The following ABCB5 variants were observed in gnomAD, a reference collection of about 807,000 sequenced individuals.
The protein encoded by ABCB5 is ATP binding cassette subfamily B member 5.
A neutral mutation model predicts 144.2 loss-of-function variants in ABCB5; 155 were observed. The ratio of observed to expected loss-of-function variants is 1.08; its 90% CI spans 0.94 to 1.23. ABCB5 has a LOEUF of 1.23. Among genes scored for constraint, ABCB5 ranks in the 50% most tolerant of loss-of-function variants. The pLI is 0.00. For missense variants in ABCB5, 1,830 were observed against 1,520.8 expected, an observed-to-expected ratio of 1.20 and a Z score of -3.38; for synonymous variants, 610 against 528.6, an observed-to-expected ratio of 1.15 and a Z score of -2.11.
chr7:20,747,633 T>C (rs532715948), intron 26 of ABCB5, among the ~76,000 whole-genome samples: 2 of 152,352 alleles, frequency 1.3e-5, no homozygotes, highest in Admixed American at 6.5e-5. Flanking sequence ...CTCAAAACTA[T>C]ATGCTGCAAA....
intron 7 of ABCB5, among the ~76,000 whole-genome samples, chr7:20,645,335 G>A (rs1249282416): frequency 6.6e-6 from 1 of 152,138 alleles, no homozygotes; most frequent in Non-Finnish European, 1.5e-5. Context: ...AGTTATCCAA[G>A]CATGTCTTAT....
At chr7:20,723,492 C>T (rs10950830) in intron 21 of ABCB5, among the ~76,000 whole-genome samples, 44,167 of 152,034 alleles carry the variant, frequency 0.29, 7,409 homozygotes, top group African/African-American at 0.47. Context: ...TGCTAACAAA[C>T]GTGTGATATG....
chr7:20,700,216 A>C (rs13229035), intron 19 of ABCB5, 81 bp downstream of exon 19: 237,578 of 1,202,052 alleles, frequency 0.2, 25,423 homozygotes, highest in Non-Finnish European at 0.22. Context: ...TCTCAAGTCA[A>C]TTTTTGACAT....
intron 14 of ABCB5, chr7:20,659,864 A>G: frequency 1.1e-6 from 1 of 903,392 alleles, no homozygotes. Context: ...TTGTATTTTT[A>G]GTAGAGACAA....
rs1562573699 is a variant in ABCB5, at chr7:20,711,820, CTTTCTTTCTTTCTTTCTTTCTTTCT to C, written c.2421+7030_2421+7054del. 4.2e-4 allele frequency among the ~76,000 whole-genome samples: 22 copies of C among 52,414 alleles called. 4 individuals are homozygous for C. The highest frequency in any genetic ancestry group is 3.2e-3 in the African/African-American group (19 of 6,004). The allele number at this position is 52,414 out of a possible 152,430, so 34.4% of individuals were successfully genotyped here. A position where few individuals can be genotyped will look rare whatever the true frequency, so the allele number is the denominator to read the frequency against. Reference sequence around the variant, plus strand: ...TCTTTCTTTCTTTCTTTCTTTCTTTCTTTCTTTCTTTCTTTCTTTCTTTCTTTTCTTTCTTTCTTTCCTTCCTCCC... The same window carrying C: ...TCTTTCTTTCTTTCTTTCTTTCTTTCTTTCTTTCTTTCTTTCCTTCCTCCC... On this transcript the variant is annotated intron_variant, in intron 20 of 27. Coordinates refer to ENST00000404938, the MANE Select transcript of ABCB5 (RefSeq NM_001163941.2).
chr7:20,679,802 T>C (rs993305746), intron 14 of ABCB5, among the ~76,000 whole-genome samples: 2 of 152,160 alleles, frequency 1.3e-5, no homozygotes, highest in Non-Finnish European at 2.9e-5. Flanking sequence ...ATGGCTCTCT[T>C]GCACTATTGG....
At chr7:20,638,764 A>AT (rs1784219229) in intron 5 of ABCB5, among the ~76,000 whole-genome samples, 1 of 152,100 alleles carries the variant, frequency 6.6e-6, no homozygotes, top group African/African-American at 2.4e-5. Context: ...TCACCAGCTG[A>AT]TGGACAGTTG....
Position 20,616,128 on chromosome 7 carries a change from A to C in ABCB5, c.-22+291A>C, listed in dbSNP as rs191604392. 3.0e-3 allele frequency among the ~76,000 whole-genome samples: 458 copies of C among 152,284 alleles called. 10 individuals carry two copies. The highest frequency in any genetic ancestry group is 0.028 in the Admixed American group (422 of 15,296). On this transcript the variant is annotated intron_variant, in intron 1 of 27. Transcript: ENST00000404938. ...TTGGCTCACTGCAACCTCCGCCTCC[A>C]GGGTTCAAGAGATTTTCCTGGCTCA...
At chr7:20,746,736 T>C (rs1300223387) in intron 26 of ABCB5, among the ~76,000 whole-genome samples, 2 of 152,160 alleles carry the variant, frequency 1.3e-5, no homozygotes, top group African/African-American at 4.8e-5. Context: ...AGAGGGATAA[T>C]TGTAACTTTA....
chr7:20,628,878 A>G, intron 4 of ABCB5, 40 bp downstream of exon 4: 2 of 1,603,088 alleles, frequency 1.2e-6, no homozygotes, highest in Non-Finnish European at 1.7e-6. Context: ...TTAAGACACA[A>G]AAGCATTGAA....
At chr7:20,651,654 C>T (rs1490883244) in intron 13 of ABCB5, 31 bp downstream of exon 13, 2 of 1,603,694 alleles carry the variant, frequency 1.2e-6, no homozygotes, top group Admixed American at 1.7e-5. Context: ...GTGTCCTTAG[C>T]TTATGGTGGC....
chr7:20,672,029 TG>T (rs1472979288), intron 14 of ABCB5, among the ~76,000 whole-genome samples: 1 of 152,262 alleles, frequency 6.6e-6, no homozygotes, highest in Non-Finnish European at 1.5e-5. Flanking sequence ...AGTATCCCAT[TG>T]TCATTTTAAT....
At chr7:20,714,735 G>C (rs10280354) in intron 20 of ABCB5, among the ~76,000 whole-genome samples, 5 of 152,090 alleles carry the variant, frequency 3.3e-5, no homozygotes, top group African/African-American at 1.2e-4. Flanking sequence ...GAAAACCCAA[G>C]CTTATTAAGC....
intron 2 of ABCB5, among the ~76,000 whole-genome samples, chr7:20,624,401 A>G (rs968089899): frequency 1.3e-5 from 2 of 152,172 alleles, no homozygotes; most frequent in African/African-American, 4.8e-5. Flanking sequence ...TACACTACAG[A>G]CCTCATTGGT....
intron 13 of ABCB5, among the ~76,000 whole-genome samples, chr7:20,655,746 A>G (rs1436479482): frequency 6.6e-6 from 1 of 152,220 alleles, no homozygotes; most frequent in Admixed American, 6.5e-5. Flanking sequence ...ATATATAAAT[A>G]TTGTGCTTTA....
At chr7:20,698,644 A>G in intron 17 of ABCB5, 94 bp downstream of exon 17, 3 of 1,292,866 alleles carry the variant, frequency 2.3e-6, no homozygotes, top group Non-Finnish European at 3.1e-6. Context: ...CAAGGGGAAA[A>G]TTGGGACTTT....
In ABCB5 at chr7:20,747,283, T is replaced by C. The variant is rs114978813; in HGVS notation, c.3429+1845T>C. On this transcript the variant is annotated intron_variant, in intron 26 of 27. Coordinates refer to ENST00000404938, the MANE Select transcript of ABCB5 (RefSeq NM_001163941.2). Reference sequence around the variant, plus strand: ...TGTACCATTTAACTTTTATTCTTTTTCCTTTGAGACAAGGCCTCACTCTGT... The same window carrying C: ...TGTACCATTTAACTTTTATTCTTTTCCCTTTGAGACAAGGCCTCACTCTGT... Among the ~76,000 whole-genome samples the C allele has an allele frequency of 8.7e-3, 1,323 of 152,310 alleles. 16 individuals carry two copies. Among genetic ancestry groups the C allele is most frequent in the African/African-American group, 0.03 (1,253 of 41,556 alleles).
chr7:20,668,990 C>A (rs1583412536), intron 14 of ABCB5, among the ~76,000 whole-genome samples: 1 of 129,096 alleles, frequency 7.7e-6, no homozygotes, highest in Non-Finnish European at 1.6e-5. Flanking sequence ...GGTCAGCCCC[C>A]CGCCCGGCCA....
At chr7:20,697,401 GT>G (rs1168210243) in intron 16 of ABCB5, among the ~76,000 whole-genome samples, 1 of 152,182 alleles carries the variant, frequency 6.6e-6, no homozygotes, top group Non-Finnish European at 1.5e-5. Context: ...CCATGAGGAA[GT>G]TTTAATGAAT....
Sources: gnomAD v4.1 joint callset for allele counts (sites outside exome capture counted in the v4.1 genomes callset) on GRCh38, gnomAD v4.1.1 for gene constraint, MANE v1.5 for transcripts, NCBI Gene and HGNC (gene_info 2026-07-23, HGNC 2026-07-21) for gene names.